The following RIMS2 variants were observed in gnomAD, a reference collection of about 807,000 sequenced individuals.
The protein encoded by RIMS2 is regulating synaptic membrane exocytosis protein 2.
A neutral mutation model predicts 174.4 loss-of-function variants in RIMS2; 59 were observed. The observed-to-expected ratio is 0.34, with a 90% CI of 0.27 to 0.42. The LOEUF is 0.42. RIMS2 is among the 10% of genes least tolerant of loss of function. The probability of loss-of-function intolerance (pLI) is 1.00; values close to 1 mark genes in which losing one functional copy is unlikely to be tolerated. For synonymous variants in RIMS2, 606 were observed against 572.5 expected, an observed-to-expected ratio of 1.06 and a Z score of -0.84; for missense variants, 1,620 against 1,666.3, an observed-to-expected ratio of 0.97 and a Z score of 0.48.
intron 19 of RIMS2, among the ~76,000 whole-genome samples, chr8:104,020,988 C>A (rs574165357): frequency 6.6e-6 from 1 of 152,078 alleles, no homozygotes; most frequent in Non-Finnish European, 1.5e-5. Flanking sequence ...AATATGTCTA[C>A]ATATATTGAT....
intron 3 of RIMS2, among the ~76,000 whole-genome samples, chr8:103,873,839 C>G (rs1363996018): frequency 6.6e-6 from 1 of 152,000 alleles, no homozygotes; most frequent in African/African-American, 2.4e-5. Context: ...AAACAGGGCT[C>G]AGAAGCATCA....
At chr8:103,601,815 T>C (rs1003078798) in intron 1 of RIMS2, among the ~76,000 whole-genome samples, 1 of 152,062 alleles carries the variant, frequency 6.6e-6, no homozygotes, top group African/African-American at 2.4e-5. Flanking sequence ...ATCTGTTCTG[T>C]TTTTTTCAAT....
chr8:103,914,509 G>A (rs1457286799), intron 6 of RIMS2, among the ~76,000 whole-genome samples: 2 of 152,142 alleles, frequency 1.3e-5, no homozygotes, highest in South Asian at 2.1e-4. Context: ...TATTATTAAT[G>A]TTTGTTAAGC....
intron 1 of RIMS2, among the ~76,000 whole-genome samples, chr8:103,530,952 T>G (rs534951556): frequency 7.8e-4 from 118 of 151,822 alleles, no homozygotes; most frequent in African/African-American, 2.7e-3. Context: ...TAGGTACCTT[T>G]CTGTCTGTAT....
At chr8:104,059,001 G>T (rs1310196797) in intron 19 of RIMS2, among the ~76,000 whole-genome samples, 2 of 151,556 alleles carry the variant, frequency 1.3e-5, no homozygotes, top group Non-Finnish European at 2.9e-5. Flanking sequence ...GTCAGGTAAC[G>T]TGATGCCTCC....
Position 103,519,385 on chromosome 8 carries a change from C to T in RIMS2, c.176+18323C>T, listed in dbSNP as rs183257160. Among the ~76,000 whole-genome samples, 261 of 152,218 alleles carry T rather than the reference C, an allele frequency of 1.7e-3. 3 individuals carry two copies. The highest frequency in any genetic ancestry group is 6.0e-3 in the African/African-American group (249 of 41,556). ...TCCAATCTGCCACCAGATTTTGCAG[C>T]AGGAATTTATATAATCATGCCATAG... On this transcript the variant is annotated intron_variant, in intron 1 of 23. Coordinates refer to ENST00000504942, the Ensembl canonical transcript of RIMS2.
Position 103,944,507 on chromosome 8 carries a change from T to C in RIMS2, c.2701+1581T>C, listed in dbSNP as rs552336541. On this transcript the variant is annotated intron_variant, in intron 14 of 23. Coordinates refer to ENST00000504942, the Ensembl canonical transcript of RIMS2. ...CTTCAGTTTTTATTGCAATAGGTAA[T>C]AGATTGAGGACTCTGAATACCTGAA... Among the ~76,000 whole-genome samples, 16 of 152,168 alleles carry C rather than the reference T, an allele frequency of 1.1e-4. No homozygotes were observed. The South Asian group carries it at 2.9e-3, about 28-fold the overall frequency.
At chr8:104,011,783 G>A (rs1402645839) in intron 17 of RIMS2, among the ~76,000 whole-genome samples, 1 of 151,912 alleles carries the variant, frequency 6.6e-6, no homozygotes, top group Non-Finnish European at 1.5e-5. Flanking sequence ...ATTAATGTAA[G>A]ATGAATCTTT....
intron 1 of RIMS2, among the ~76,000 whole-genome samples, chr8:103,504,005 A>G (rs1455005539): frequency 6.6e-6 from 1 of 152,060 alleles, no homozygotes; most frequent in Admixed American, 6.5e-5. Flanking sequence ...AAATAATACC[A>G]TTTTACATAT....
At chr8:103,925,325 C>A (rs1176610649) in intron 10 of RIMS2, among the ~76,000 whole-genome samples, 2 of 151,338 alleles carry the variant, frequency 1.3e-5, no homozygotes, top group African/African-American at 4.8e-5. Flanking sequence ...TACAAATATC[C>A]ATTTTATATG....
chr8:103,885,939 A>G (rs1332824194), exon 4 of RIMS2: 1 of 1,612,936 alleles, frequency 6.2e-7, no homozygotes, highest in East Asian at 2.2e-5. Flanking sequence ...GATAGACCAG[A>G]CTTGAGGCGT....
intron 1 of RIMS2, among the ~76,000 whole-genome samples, chr8:103,529,453 G>A (rs1195370398): frequency 6.6e-6 from 1 of 152,212 alleles, no homozygotes; most frequent in East Asian, 1.9e-4. Flanking sequence ...CTCCTGGTGT[G>A]CCATTTGCTA....
intron 19 of RIMS2, among the ~76,000 whole-genome samples, chr8:104,138,528 T>C (rs1259344370): frequency 6.6e-6 from 1 of 152,206 alleles, no homozygotes; most frequent in African/African-American, 2.4e-5. Context: ...TGATTAGTGA[T>C]GTTGAATGCC....
intron 19 of RIMS2, among the ~76,000 whole-genome samples, chr8:104,106,186 T>C (rs28565445): frequency 0.24 from 35,888 of 151,962 alleles, 4,531 homozygotes; most frequent in African/African-American, 0.33. Flanking sequence ...CTCTCACTGA[T>C]GCCTCCCAGA....
At chr8:104,189,904 T>C (rs1394090387) in intron 19 of RIMS2, among the ~76,000 whole-genome samples, 1 of 151,966 alleles carries the variant, frequency 6.6e-6, no homozygotes, top group African/African-American at 2.4e-5. Context: ...ACCTCATTGA[T>C]TGAATCTTTT....
chr8:103,686,416 AGGG>A (rs1003139518), intron 1 of RIMS2, among the ~76,000 whole-genome samples: 1 of 152,132 alleles, frequency 6.6e-6, no homozygotes, highest in Non-Finnish European at 1.5e-5. Flanking sequence ...TACTGATCTT[AGGG>A]GGAAGCATTC....
chr8:103,790,618 T>A (rs979786409), intron 3 of RIMS2, among the ~76,000 whole-genome samples: 1 of 152,194 alleles, frequency 6.6e-6, no homozygotes, highest in African/African-American at 2.4e-5. Context: ...TTTATTATAA[T>A]CATTCCAGGG....
rs1591986338 is a variant in RIMS2 at position 103,768,561 on chromosome 8, GA to G, written c.698+2028del. ...CCAAGGAGAACTGGAGAAAGAAAGA[GA>G]AAATCAGTTCGTGGTTGCATTGTGG... On this transcript the variant is annotated intron_variant, in intron 3 of 23. Coordinates refer to ENST00000504942, the Ensembl canonical transcript of RIMS2. 1.3e-5 allele frequency: 19 copies of G among 1,504,416 alleles called. No individual in the cohort carries two copies. In the East Asian group the frequency reaches 4.3e-4, roughly 34 times the overall value. The allele number at this position is 1,504,416 out of a possible 1,614,324, so 93.2% of individuals were successfully genotyped here.
chr8:103,513,272 G>A (rs796356580), intron 1 of RIMS2, among the ~76,000 whole-genome samples: 4 of 152,250 alleles, frequency 2.6e-5, no homozygotes, highest in African/African-American at 9.6e-5. Flanking sequence ...GATAGAAAAC[G>A]AGATTTAGAT....
Sources: gnomAD v4.1 joint callset for allele counts (sites outside exome capture counted in the v4.1 genomes callset) on GRCh38, gnomAD v4.1.1 for gene constraint, MANE v1.5 for transcripts, NCBI Gene and HGNC (gene_info 2026-07-23, HGNC 2026-07-21) for gene names.